The following HYDIN variants were observed in gnomAD, a reference collection of about 807,000 sequenced individuals.
HYDIN encodes HYDIN axonemal central pair apparatus protein, also known as axonemal central pair apparatus protein HYDIN.
HYDIN carries 132 observed loss-of-function variants against 403.9 expected under a neutral mutation model. The observed-to-expected ratio is 0.33, with a 90% CI of 0.28 to 0.38. The LOEUF is 0.38. Ranked by LOEUF, HYDIN falls within the 10% of genes least tolerant of loss-of-function variation. The probability of loss-of-function intolerance (pLI) is 1.00; values close to 1 mark genes in which losing one functional copy is unlikely to be tolerated. For missense variants in HYDIN, 2,827 were observed against 5,009.5 expected, an observed-to-expected ratio of 0.56 and a Z score of 13.15; for synonymous variants, 1,202 against 1,891.7, an observed-to-expected ratio of 0.64 and a Z score of 9.46.
At chr16:71,032,307 G>GTTT (rs11406376) in intron 18 of HYDIN, among the ~76,000 whole-genome samples, 7 of 126,402 alleles carry the variant, frequency 5.5e-5, no homozygotes, top group African/African-American at 2.1e-4. Context: ...TTTCCTTTTT[G>GTTT]TTTTTTTTTT....
intron 1 of HYDIN, among the ~76,000 whole-genome samples, chr16:71,196,392 C>T (rs547088854): frequency 3.9e-5 from 6 of 152,238 alleles, no homozygotes; most frequent in African/African-American, 1.4e-4. Flanking sequence ...GGAGGATTTA[C>T]CCTCCCTGCC....
chr16:70,862,022 G>C, intron 69 of HYDIN, 26 bp downstream of exon 69: 1 of 1,536,948 alleles, frequency 6.5e-7, no homozygotes, highest in Non-Finnish European at 8.8e-7. Flanking sequence ...GCCAAGAAGG[G>C]TGTTGTGGCG....
At chr16:71,206,905 C>G (rs1593136) in intron 1 of HYDIN, among the ~76,000 whole-genome samples, 1 of 152,134 alleles carries the variant, frequency 6.6e-6, no homozygotes, top group East Asian at 1.9e-4. Context: ...TGAACAAAAC[C>G]TCCAAGAAAT....
In HYDIN at chr16:71,129,642, G is replaced by A. The variant is rs564339141; in HGVS notation, c.1225C>T (p.Leu409=). 6.2e-7 allele frequency: 1 copy of A among 1,612,390 alleles called. No homozygotes were observed. Among genetic ancestry groups the A allele is most frequent in the Non-Finnish European group, 8.5e-7 (1 of 1,179,290 alleles). Residue 409 remains leucine, a splice_region_variant and synonymous_variant, in exon 9 of 86, where the codon CTG becomes TTG. Coordinates refer to ENST00000393567, the MANE Select transcript of HYDIN (RefSeq NM_001270974.2). ...FFNNVFTVEP[L]EGDVWPNSSA... ...TCAGCTTTTATTTATATGCTCACCA[G>A]GGGCTCCACAGTGAAAACGTTATTG...
At chr16:71,064,909 C>T in intron 15 of HYDIN, 69 bp from the exon 16 acceptor site, 1 of 1,560,092 alleles carries the variant, frequency 6.4e-7, no homozygotes, top group Non-Finnish European at 8.7e-7. Context: ...CGCAGAGCCC[C>T]AAGCGAGATA....
rs560273727 is a variant in HYDIN at position 70,878,631 on chromosome 16, T to C, written c.10557+666A>G. ...ATGAAGCTGGGTGCTTACTATCTCC[T>C]GTAGTAGTGTGCACGTTTTGTTTTG... On this transcript the variant is annotated intron_variant, in intron 62 of 85. Transcript: ENST00000393567. Among the ~76,000 whole-genome samples the C allele has an allele frequency of 8.7e-5, 13 of 148,842 alleles. 1 individual carries two copies. The highest frequency in any genetic ancestry group is 2.6e-4 in the African/African-American group (10 of 38,126).
At chr16:70,968,758 A>G (rs2078656968) in intron 36 of HYDIN, among the ~76,000 whole-genome samples, 1 of 152,270 alleles carries the variant, frequency 6.6e-6, no homozygotes, top group Non-Finnish European at 1.5e-5. Context: ...AAAATCCTTC[A>G]TCATAGTAAC....
chr16:71,222,333 C>T (rs2040840366), intron 1 of HYDIN, among the ~76,000 whole-genome samples: 1 of 152,184 alleles, frequency 6.6e-6, no homozygotes, highest in African/African-American at 2.4e-5. Context: ...AAGGGACTTA[C>T]CTCAAAATAA....
At chr16:71,134,512 G>C (rs529942813) in intron 8 of HYDIN, among the ~76,000 whole-genome samples, 16 of 152,192 alleles carry the variant, frequency 1.1e-4, no homozygotes, top group Non-Finnish European at 2.2e-4. Context: ...TAAAGATCTC[G>C]CTGCTGCTTT....
At chr16:70,890,686 G>C (rs1042750105) in intron 57 of HYDIN, among the ~76,000 whole-genome samples, 5 of 150,906 alleles carry the variant, frequency 3.3e-5, no homozygotes, top group Non-Finnish European at 7.4e-5. Context: ...TGGCAGCCCA[G>C]TAGAAGCCAA....
rs2084689562 is a variant in HYDIN, at chr16:71,130,945, T to C, written c.1044-1122A>G. On this transcript the variant is annotated intron_variant, in intron 8 of 85. Transcript: ENST00000393567. ...AGAACAGCAGCTTTCCCCAATCCAC[T>C]CATTGCCCCCACCAGAGCTATGTTC... is the stretch of plus-strand genomic sequence containing the variant. Among the ~76,000 whole-genome samples the C allele has an allele frequency of 3.7e-5, 5 of 135,614 alleles. No individual in the cohort carries two copies. In the Admixed American group the frequency reaches 3.7e-4, roughly 10 times the overall value. The allele number at this position is 135,614 out of a possible 152,430, so 89.0% of individuals were successfully genotyped here.
At chr16:70,963,240 T>C (rs1014044657) in intron 37 of HYDIN, among the ~76,000 whole-genome samples, 9 of 152,132 alleles carry the variant, frequency 5.9e-5, no homozygotes, top group East Asian at 1.9e-4. Flanking sequence ...AATTTTTTTT[T>C]CCCACCACTT....
intron 1 of HYDIN, among the ~76,000 whole-genome samples, chr16:71,212,971 A>G (rs2088676783): frequency 6.6e-6 from 1 of 152,182 alleles, no homozygotes; most frequent in African/African-American, 2.4e-5. Context: ...CAAATGAGAC[A>G]TGGTTAGATT....
At chr16:70,902,821 A>ATTTTTTTTTTTTTTT (rs60618592) in intron 52 of HYDIN, among the ~76,000 whole-genome samples, 4 of 47,298 alleles carry the variant, frequency 8.5e-5, no homozygotes, top group African/African-American at 2.3e-4. Flanking sequence ...ATATATATAT[A>ATTTTTTTTTTTTTTT]TTTTTTTTTT....
chr16:71,115,898 A>G, intron 9 of HYDIN, 103 bp from the exon 10 acceptor site: 1 of 676,274 alleles, frequency 1.5e-6, no homozygotes, highest in East Asian at 2.7e-5. Flanking sequence ...TTTTCATAAA[A>G]TTGTATATGT....
intron 10 of HYDIN, among the ~76,000 whole-genome samples, chr16:71,106,759 T>G (rs1047999145): frequency 2.0e-5 from 3 of 150,564 alleles, no homozygotes; most frequent in African/African-American, 7.3e-5. Context: ...ACATGTAGGC[T>G]CATTTCAGAT....
At chr16:71,058,721 G>T (rs909105395) in intron 18 of HYDIN, among the ~76,000 whole-genome samples, 6 of 151,480 alleles carry the variant, frequency 4.0e-5, no homozygotes, top group African/African-American at 1.5e-4. Flanking sequence ...TAGAAGACTA[G>T]CAGGTCTAAA....
rs1463585001 is a variant in HYDIN at position 71,010,281 on chromosome 16, G to A, written c.3644+7848C>T. 3.9e-5 allele frequency among the ~76,000 whole-genome samples: 6 copies of A among 152,270 alleles called. 1 individual carries two copies. The East Asian group carries it at 7.7e-4, about 20-fold the overall frequency. On this transcript the variant is annotated intron_variant, in intron 23 of 85. Transcript: ENST00000393567. ...TCCCTGGGAAGTGAAAAAGAAAAAC[G>A]CAAATACTTGAGCTCACAGCGTTCT...
intron 54 of HYDIN, among the ~76,000 whole-genome samples, chr16:70,895,631 A>G (rs927629140): frequency 2.0e-5 from 3 of 147,730 alleles, no homozygotes; most frequent in Non-Finnish European, 1.5e-5. Flanking sequence ...CCAGAACTGT[A>G]GGGCAATATG....
Sources: allele counts gnomAD v4.1 joint callset (sites outside exome capture counted in the v4.1 genomes callset), GRCh38; gene constraint gnomAD v4.1.1; transcripts MANE v1.5; gene names NCBI Gene and HGNC (gene_info 2026-07-23, HGNC 2026-07-21).